The following ARHGAP42 variants were observed in gnomAD, a reference collection of about 807,000 sequenced individuals.
ARHGAP42 encodes the protein Rho GTPase activating protein 42.
Under a neutral mutation model 125.0 loss-of-function variants are expected in ARHGAP42, and 63 were observed. That is an observed-to-expected ratio of 0.50 (90% CI 0.41 to 0.62). The LOEUF (loss-of-function observed/expected upper bound fraction) is 0.62. Among genes scored for constraint, ARHGAP42 ranks in the 20% least tolerant of loss-of-function variants. ARHGAP42 has a pLI of 0.00. For synonymous variants in ARHGAP42, 339 were observed against 351.0 expected, an observed-to-expected ratio of 0.97 and a Z score of 0.38; for missense variants, 766 against 1,024.2, an observed-to-expected ratio of 0.75 and a Z score of 3.44.
chr11:100,879,701 C>G (rs914403841), intron 4 of ARHGAP42, among the ~76,000 whole-genome samples: 2 of 152,202 alleles, frequency 1.3e-5, no homozygotes, highest in African/African-American at 4.8e-5. Context: ...CTACCCTGTT[C>G]TTACCTTTCT....
chr11:100,869,754 T>C (rs1005113261), intron 4 of ARHGAP42, among the ~76,000 whole-genome samples: 2 of 152,198 alleles, frequency 1.3e-5, no homozygotes, highest in African/African-American at 4.8e-5. Flanking sequence ...TAGATGATCA[T>C]AGCTTTAAGT....
chr11:100,936,331 A>G lies in ARHGAP42; in HGVS notation c.831A>G (p.Lys277=). ...AAGGCTATCTGTATGTCCAGGAGAAACGTGAGTCACAAAGACATAATTTCA... is the reference window on the plus strand; with the variant it reads ...AAGGCTATCTGTATGTCCAGGAGAAGCGTGAGTCACAAAGACATAATTTCA... ...TMEGYLYVQE[K]RPLGFTWIKH... Residue 277 remains lysine (K), a splice_region_variant and synonymous_variant, in exon 8 of 24, where the codon AAA becomes AAG. Coordinates refer to ENST00000298815, the MANE Select transcript of ARHGAP42 (RefSeq NM_152432.4). The G allele has an allele frequency of 6.4e-7, 1 of 1,551,448 alleles. No individual in the cohort carries two copies. The highest frequency in any genetic ancestry group is 8.7e-7 in the Non-Finnish European group (1 of 1,146,836).
chr11:100,822,951 G>A (rs1422659357), intron 3 of ARHGAP42, among the ~76,000 whole-genome samples: 1 of 152,120 alleles, frequency 6.6e-6, no homozygotes, highest in African/African-American at 2.4e-5. Flanking sequence ...GATTTCAGAA[G>A]TGGAGTGTTT....
intron 4 of ARHGAP42, among the ~76,000 whole-genome samples, chr11:100,881,371 A>T (rs1865957891): frequency 6.6e-6 from 1 of 152,154 alleles, no homozygotes; most frequent in African/African-American, 2.4e-5. Flanking sequence ...TTACTTTATC[A>T]AAGATGAGTT....
At chr11:100,871,180 A>G (rs979057255) in intron 4 of ARHGAP42, among the ~76,000 whole-genome samples, 2 of 152,180 alleles carry the variant, frequency 1.3e-5, no homozygotes, top group African/African-American at 2.4e-5. Context: ...TGAATCAGTG[A>G]GGCAAACATT....
intron 22 of ARHGAP42, among the ~76,000 whole-genome samples, chr11:100,984,544 A>G (rs186485504): frequency 6.6e-6 from 1 of 152,012 alleles, no homozygotes; most frequent in Non-Finnish European, 1.5e-5. Context: ...ATTTTGATGA[A>G]TTTTTAAAAT....
At chr11:100,734,301 T>C (rs117241374) in intron 1 of ARHGAP42, among the ~76,000 whole-genome samples, 11,363 of 151,018 alleles carry the variant, frequency 0.075, 484 homozygotes, top group East Asian at 0.22. Context: ...TTTTTTTAAA[T>C]AGAGTTTTAC....
At chr11:100,907,673 G>A (rs1866777633) in intron 4 of ARHGAP42, among the ~76,000 whole-genome samples, 1 of 152,174 alleles carries the variant, frequency 6.6e-6, no homozygotes, top group African/African-American at 2.4e-5. Flanking sequence ...AAACAACGTG[G>A]GATGGACTGT....
intron 4 of ARHGAP42, among the ~76,000 whole-genome samples, chr11:100,868,381 T>C (rs1289444625): frequency 6.6e-6 from 1 of 152,220 alleles, no homozygotes; most frequent in East Asian, 1.9e-4. Flanking sequence ...ATAATAGTAC[T>C]TGATCCTTTA....
chr11:100,988,797 T>G lies in ARHGAP42; in HGVS notation c.2621T>G (p.Leu874Arg). ...GTTCCAGAAAATTATGTTGTCTTCCTCTAATACTATTTAGTGGATGGCAGT... is the reference window on the plus strand; with the variant it reads ...GTTCCAGAAAATTATGTTGTCTTCCGCTAATACTATTTAGTGGATGGCAGT... ...GLVPENYVVF[L>R] The change falls in exon 24 of 24, where the codon CTC becomes CGC. Residue 874 changes from leucine to arginine, a missense_variant. Physicochemically the swap from Leu to Arg is moderately radical, Grantham distance 102 (BLOSUM62 -2). Around this residue, in one of 3 missense-constraint regions of ARHGAP42, gnomAD observed 308 missense variants for 369.7 expected, o/e 0.83. Transcript: ENST00000298815. 3 of 1,545,044 alleles carry G rather than the reference T, an allele frequency of 1.9e-6. No homozygotes were observed. Among genetic ancestry groups the G allele is most frequent in the South Asian group, 2.4e-5 (2 of 83,784 alleles).
At chr11:100,915,304 C>G (rs549855184) in intron 5 of ARHGAP42, among the ~76,000 whole-genome samples, 46 of 152,054 alleles carry the variant, frequency 3.0e-4, no homozygotes, top group Non-Finnish European at 6.0e-4. Context: ...TAGAATAAAC[C>G]TAAGAGTGAA....
chr11:100,828,078 A>G (rs1214184395), intron 3 of ARHGAP42, among the ~76,000 whole-genome samples: 3 of 152,180 alleles, frequency 2.0e-5, no homozygotes, highest in Non-Finnish European at 4.4e-5. Flanking sequence ...GGGAAGTAAA[A>G]GTCATGGCTC....
intron 3 of ARHGAP42, among the ~76,000 whole-genome samples, chr11:100,834,913 G>A (rs554946657): frequency 3.3e-5 from 5 of 150,084 alleles, no homozygotes; most frequent in Non-Finnish European, 4.4e-5. Context: ...TGATTCTGGA[G>A]TGGGTCTTCC....
At position 100,725,350 on chromosome 11, in the gene ARHGAP42, T is replaced by C. The variant is rs186533958; in HGVS notation, c.154+37518T>C. Among the ~76,000 whole-genome samples, 851 of 151,854 alleles carry C rather than the reference T, an allele frequency of 5.6e-3. 10 individuals are homozygous for C. Among genetic ancestry groups the C allele is most frequent in the African/African-American group, 0.019 (807 of 41,468 alleles). ...CACGCCCAGCTAATTTTTGTATTTT[T>C]AGTAGAGATGGGGTTTCACCATGTT... On this transcript the variant is annotated intron_variant, in intron 1 of 23. Transcript: ENST00000298815.
chr11:100,762,723 C>T (rs528764611), intron 1 of ARHGAP42, among the ~76,000 whole-genome samples: 1 of 152,130 alleles, frequency 6.6e-6, no homozygotes, highest in Non-Finnish European at 1.5e-5. Context: ...TTTGCCACAC[C>T]CAGTATTCTT....
At chr11:100,852,780 A>G (rs1490688675) in intron 3 of ARHGAP42, among the ~76,000 whole-genome samples, 1 of 152,200 alleles carries the variant, frequency 6.6e-6, no homozygotes, top group African/African-American at 2.4e-5. Flanking sequence ...GCCATCTTCT[A>G]TAGTACTAAC....
At chr11:100,868,835 C>T (rs1745100478) in intron 4 of ARHGAP42, among the ~76,000 whole-genome samples, 1 of 152,094 alleles carries the variant, frequency 6.6e-6, no homozygotes, top group Non-Finnish European at 1.5e-5. Flanking sequence ...AATAATAAAA[C>T]TACCTTCATA....
At chr11:100,948,355 C>T in intron 10 of ARHGAP42, 102 bp from the exon 11 acceptor site, 1 of 770,808 alleles carries the variant, frequency 1.3e-6, no homozygotes, top group Non-Finnish European at 1.8e-6. Flanking sequence ...CTTCATTTCT[C>T]TTTTCTCTTA....
intron 19 of ARHGAP42, 43 bp from the exon 20 acceptor site, chr11:100,976,014 G>T: frequency 6.8e-7 from 1 of 1,461,284 alleles, no homozygotes. Flanking sequence ...GTTATCAATA[G>T]ATAGTTACAG....
Sources: allele counts gnomAD v4.1 joint callset (sites outside exome capture counted in the v4.1 genomes callset), GRCh38; gene constraint gnomAD v4.1.1; regional missense constraint gnomAD v4.1.1; transcripts MANE v1.5; gene names NCBI Gene and HGNC (gene_info 2026-07-23, HGNC 2026-07-21).